Variants in KCNMB2 observed in about 807,000 individuals in gnomAD.
KCNMB2 encodes the protein potassium calcium-activated channel subfamily M regulatory beta subunit 2, also known as calcium-activated potassium channel subunit beta-2.
In KCNMB2, 9 loss-of-function variants were observed where a neutral mutation model predicts 24.5. The ratio of observed to expected loss-of-function variants is 0.37; its 90% CI spans 0.22 to 0.64. KCNMB2 has a LOEUF of 0.64. Among genes scored for constraint, KCNMB2 ranks in the 30% least tolerant of loss-of-function variants. The pLI, the probability that KCNMB2 is intolerant of heterozygous loss-of-function variation, is 0.63. For synonymous variants in KCNMB2, 109 were observed against 104.4 expected (o/e 1.04, Z -0.27); for missense variants, 226 against 284.3 (o/e 0.79, Z 1.47).
chr3:178,711,200 G>T (rs1722442324), intron 1 of KCNMB2, among the ~76,000 whole-genome samples: 1 of 152,106 alleles, frequency 6.6e-6, no homozygotes, highest in Non-Finnish European at 1.5e-5. Context: ...TCAAGCCAGG[G>T]TATTCCAGAG....
chr3:178,587,256 T>C (rs2108495515), intron 1 of KCNMB2, among the ~76,000 whole-genome samples: 1 of 152,270 alleles, frequency 6.6e-6, no homozygotes. Flanking sequence ...TCTTCATTTA[T>C]TCATTTTTAC....
chr3:178,839,022 A>C (rs1715333949), intron 4 of KCNMB2, among the ~76,000 whole-genome samples: 1 of 152,202 alleles, frequency 6.6e-6, no homozygotes, highest in African/African-American at 2.4e-5. Context: ...TGATTCTGTC[A>C]GAAACCAATT....
At chr3:178,574,722 C>T (rs1410628877) in intron 1 of KCNMB2, among the ~76,000 whole-genome samples, 1 of 152,168 alleles carries the variant, frequency 6.6e-6, no homozygotes, top group Non-Finnish European at 1.5e-5. Flanking sequence ...CCTTCATTCA[C>T]ACACCTGTTG....
chr3:178,573,409 C>T (rs1217834501), intron 1 of KCNMB2, among the ~76,000 whole-genome samples: 1 of 151,984 alleles, frequency 6.6e-6, no homozygotes, highest in Non-Finnish European at 1.5e-5. Context: ...AATTGTTTTA[C>T]GTTCAGTCTT....
At chr3:178,698,430 T>C (rs1721960785) in intron 1 of KCNMB2, among the ~76,000 whole-genome samples, 1 of 152,238 alleles carries the variant, frequency 6.6e-6, no homozygotes, top group East Asian at 1.9e-4. Flanking sequence ...TACTTGTGAT[T>C]GCATTATTAA....
rs145409951 is a variant in KCNMB2 at position 178,644,626 on chromosome 3, CAT to C, written c.-68+107916_-68+107917del. Among the ~76,000 whole-genome samples, 1,020 of 152,320 alleles carry C rather than the reference CAT, an allele frequency of 6.7e-3. 12 individuals carry two copies. Among genetic ancestry groups the C allele is most frequent in the African/African-American group, 0.024 (989 of 41,562 alleles). ...TCACAGATTGTCCTTAAGCTAAAGA[CAT>C]GTGTATGTGTGCATCGTCAGCTTCT... On this transcript the variant is annotated intron_variant, in intron 1 of 4. Transcript: ENST00000452583.
intron 1 of KCNMB2, among the ~76,000 whole-genome samples, chr3:178,541,260 C>T (rs915857319): frequency 9.9e-5 from 15 of 152,272 alleles, no homozygotes; most frequent in African/African-American, 2.9e-4. Context: ...CTTATCCAAA[C>T]GATGACTTCT....
At chr3:178,619,042 C>T (rs1264191113) in intron 1 of KCNMB2, among the ~76,000 whole-genome samples, 1 of 152,100 alleles carries the variant, frequency 6.6e-6, no homozygotes, top group Non-Finnish European at 1.5e-5. Flanking sequence ...TTCTCTAATA[C>T]AGTGAGGAAA....
chr3:178,684,959 C>T (rs1233920673), intron 1 of KCNMB2, among the ~76,000 whole-genome samples: 1 of 152,218 alleles, frequency 6.6e-6, no homozygotes, highest in African/African-American at 2.4e-5. Context: ...AAGCACGCAT[C>T]TGTGAAGTTT....
chr3:178,538,148 G>A (rs1019235296), intron 1 of KCNMB2, among the ~76,000 whole-genome samples: 1 of 152,106 alleles, frequency 6.6e-6, no homozygotes, highest in Non-Finnish European at 1.5e-5. Context: ...ATAGTAGATG[G>A]CATCTATGTT....
Position 178,595,655 on chromosome 3 carries a change from G to A in KCNMB2, c.-68+58944G>A, listed in dbSNP as rs370995298. Among the ~76,000 whole-genome samples, 50 of 152,152 alleles carry A rather than the reference G, an allele frequency of 3.3e-4. No homozygotes were observed. The South Asian group carries it at 0.01, about 31-fold the overall frequency. On this transcript the variant is annotated intron_variant, in intron 1 of 4. Coordinates refer to ENST00000452583, the MANE Select transcript of KCNMB2 (RefSeq NM_181361.3). ...CTCCTTCCTGCTGCCATGTGAAAAA[G>A]GATGTGTTTGCTTTTCCCTTCCACC...
At chr3:178,657,382 T>C (rs1577077228) in intron 1 of KCNMB2, among the ~76,000 whole-genome samples, 2 of 152,218 alleles carry the variant, frequency 1.3e-5, no homozygotes, top group East Asian at 3.9e-4. Context: ...GCTCAGCCTT[T>C]GAAGCTGGAC....
At chr3:178,583,536 A>G (rs1320074977) in intron 1 of KCNMB2, among the ~76,000 whole-genome samples, 1 of 152,220 alleles carries the variant, frequency 6.6e-6, no homozygotes, top group African/African-American at 2.4e-5. Context: ...GTTACAAAAT[A>G]TAAAAACAAT....
At chr3:178,791,336 A>G (rs1713315930) in intron 1 of KCNMB2, among the ~76,000 whole-genome samples, 1 of 152,254 alleles carries the variant, frequency 6.6e-6, no homozygotes, top group Admixed American at 6.5e-5. Context: ...TAACTGACAT[A>G]CTGAAGAATG....
intron 1 of KCNMB2, among the ~76,000 whole-genome samples, chr3:178,720,726 G>A (rs1263074347): frequency 7.2e-6 from 1 of 138,082 alleles, no homozygotes. Context: ...TTTCTCTGAT[G>A]GCCAGTGATG....
At chr3:178,782,667 G>C (rs1712910061) in intron 1 of KCNMB2, among the ~76,000 whole-genome samples, 1 of 149,866 alleles carries the variant, frequency 6.7e-6, no homozygotes, top group Non-Finnish European at 1.5e-5. Flanking sequence ...ATTTGTTTGA[G>C]TTCATTGTAG....
At chr3:178,682,601 T>A in intron 1 of KCNMB2, among the ~76,000 whole-genome samples, 1 of 152,138 alleles carries the variant, frequency 6.6e-6, no homozygotes, top group South Asian at 2.1e-4. Context: ...AAATGGCTAA[T>A]TAATTTTGAT....
At chr3:178,638,112 A>C (rs1168519716) in intron 1 of KCNMB2, among the ~76,000 whole-genome samples, 1 of 152,154 alleles carries the variant, frequency 6.6e-6, no homozygotes, top group Non-Finnish European at 1.5e-5. Flanking sequence ...GGATTTCCAC[A>C]ATACCTAATT....
chr3:178,656,432 A>C (rs181904128), intron 1 of KCNMB2, among the ~76,000 whole-genome samples: 1 of 152,328 alleles, frequency 6.6e-6, no homozygotes, highest in East Asian at 1.9e-4. Flanking sequence ...TGTGTTAATC[A>C]GTGTAATAGC....
Sources: gnomAD v4.1 joint callset for allele counts (sites outside exome capture counted in the v4.1 genomes callset) on GRCh38, gnomAD v4.1.1 for gene constraint, MANE v1.5 for transcripts, NCBI Gene and HGNC (gene_info 2026-07-23, HGNC 2026-07-21) for gene names.